The following GRID2 variants were observed in gnomAD, a reference collection of about 807,000 sequenced individuals.
GRID2 encodes glutamate ionotropic receptor delta type subunit 2.
GRID2 carries 33 observed loss-of-function variants against 114.8 expected under a neutral mutation model. The ratio of observed to expected loss-of-function variants is 0.29; its 90% CI spans 0.22 to 0.38. The LOEUF (loss-of-function observed/expected upper bound fraction) is 0.38, where lower values mean the gene tolerates loss of function less well. Among genes scored for constraint, GRID2 ranks in the 10% least tolerant of loss-of-function variants. GRID2 has a pLI of 1.00. For synonymous variants in GRID2, 505 were observed against 449.9 expected, an observed-to-expected ratio of 1.12 and a Z score of -1.55; for missense variants, 1,184 against 1,257.7, an observed-to-expected ratio of 0.94 and a Z score of 0.89.
At chr4:92,616,784 T>C (rs1226075157) in intron 2 of GRID2, among the ~76,000 whole-genome samples, 1 of 151,580 alleles carries the variant, frequency 6.6e-6, no homozygotes, top group African/African-American at 2.4e-5. Context: ...TATTATAGCA[T>C]ATTAGGTTTG....
intron 2 of GRID2, among the ~76,000 whole-genome samples, chr4:92,644,466 A>C (rs1311843564): frequency 6.6e-6 from 1 of 151,708 alleles, no homozygotes; most frequent in African/African-American, 2.4e-5. Context: ...TGTAGCTCTC[A>C]TTTTTATTCA....
chr4:92,822,095 G>A, intron 2 of GRID2: 1 of 318,876 alleles, frequency 3.1e-6, no homozygotes, highest in Non-Finnish European at 6.2e-6. Context: ...CTGCCTTGCT[G>A]CAGATTCCGA....
intron 9 of GRID2, among the ~76,000 whole-genome samples, chr4:93,414,929 A>G (rs76908582): frequency 0.049 from 7,483 of 151,994 alleles, 218 homozygotes; most frequent in Middle Eastern, 0.19. Context: ...TTCAAGTTTT[A>G]TATGGTTTTT....
At chr4:92,657,463 T>C (rs1732300191) in intron 2 of GRID2, among the ~76,000 whole-genome samples, 1 of 151,718 alleles carries the variant, frequency 6.6e-6, no homozygotes, top group African/African-American at 2.4e-5. Flanking sequence ...TTCAAGCAGA[T>C]AGCGTCCTAG....
chr4:92,648,933 CTTTA>C (rs1731777411), intron 2 of GRID2, among the ~76,000 whole-genome samples: 1 of 141,408 alleles, frequency 7.1e-6, no homozygotes, highest in Admixed American at 7.1e-5. Context: ...TTCATTATTT[CTTTA>C]GAGACAATTA....
intron 14 of GRID2, among the ~76,000 whole-genome samples, chr4:93,729,361 A>G (rs1285271245): frequency 6.6e-6 from 1 of 152,188 alleles, no homozygotes; most frequent in African/African-American, 2.4e-5. Flanking sequence ...AATTCAGATT[A>G]CAGTTTAGAA....
chr4:92,806,942 A>T (rs1740445158), intron 2 of GRID2, among the ~76,000 whole-genome samples: 1 of 151,990 alleles, frequency 6.6e-6, no homozygotes, highest in Admixed American at 6.6e-5. Context: ...CAGCTATGAC[A>T]TATGTTGTGG....
chr4:93,626,424 T>G lies in GRID2; in HGVS notation c.2349T>G (p.Val783=). The G allele has an allele frequency of 6.2e-7, 1 of 1,604,016 alleles. No individual in the cohort carries two copies. The highest frequency in any genetic ancestry group is 8.5e-7 in the Non-Finnish European group (1 of 1,174,736). Residue 783 remains valine (V), a synonymous_variant, in exon 14 of 16, where the codon GTT becomes GTG. Coordinates refer to ENST00000282020, the MANE Select transcript of GRID2 (RefSeq NM_001510.4). ...AACATGGCAGTCCTTACCGAGATGT[T>G]TTTTCACAAAGGTAAGATTTGTGTA... ...ALQHGSPYRD[V]FSQRILELQQ...
intron 13 of GRID2, among the ~76,000 whole-genome samples, chr4:93,622,082 C>T (rs12503522): frequency 0.27 from 40,547 of 152,038 alleles, 5,791 homozygotes; most frequent in East Asian, 0.59. Flanking sequence ...AAGATAATCA[C>T]AAAAATCAAA....
At chr4:93,204,904 C>T (rs995441511) in intron 4 of GRID2, among the ~76,000 whole-genome samples, 1 of 152,148 alleles carries the variant, frequency 6.6e-6, no homozygotes, top group Non-Finnish European at 1.5e-5. Context: ...CACTGTACTA[C>T]TATTGCTTCA....
intron 11 of GRID2, among the ~76,000 whole-genome samples, chr4:93,464,494 A>G (rs371351039): frequency 1.0e-4 from 5 of 48,482 alleles, no homozygotes; most frequent in Non-Finnish European, 1.6e-4. Flanking sequence ...CTTCAACTTT[A>G]AAAAAATTGT....
intron 14 of GRID2, among the ~76,000 whole-genome samples, chr4:93,660,036 G>C (rs1195814206): frequency 6.6e-6 from 1 of 151,394 alleles, no homozygotes; most frequent in Non-Finnish European, 1.5e-5. Context: ...TTCTGATGCA[G>C]GGTTGGAGGC....
At chr4:92,368,652 G>A (rs1048826298) in intron 1 of GRID2, among the ~76,000 whole-genome samples, 1 of 152,046 alleles carries the variant, frequency 6.6e-6, no homozygotes, top group Non-Finnish European at 1.5e-5. Context: ...AGGGCATTAT[G>A]TGAGAGATTA....
Position 93,333,060 on chromosome 4 carries a change from T to A in GRID2, c.1246-62547T>A, listed in dbSNP as rs531081674. Among the ~76,000 whole-genome samples the A allele has an allele frequency of 2.6e-5, 4 of 152,294 alleles. No homozygotes were observed. In the East Asian group the frequency reaches 7.7e-4, roughly 29 times the overall value. ...ATAATAATGATAATGATCTGTTGAC[T>A]GTTAGCTTCTGGGTGCTCTAAGCCT... On this transcript the variant is annotated intron_variant, in intron 8 of 15. Coordinates refer to ENST00000282020, the MANE Select transcript of GRID2 (RefSeq NM_001510.4).
chr4:93,081,329 T>C (rs1729850381), intron 2 of GRID2, among the ~76,000 whole-genome samples: 1 of 152,240 alleles, frequency 6.6e-6, no homozygotes, highest in African/African-American at 2.4e-5. Context: ...TCTTTATGCA[T>C]TTTATTTTTA....
At chr4:93,438,749 G>A (rs1721339712) in intron 10 of GRID2, among the ~76,000 whole-genome samples, 1 of 151,942 alleles carries the variant, frequency 6.6e-6, no homozygotes, top group African/African-American at 2.4e-5. Flanking sequence ...TGTTACATAT[G>A]TATACATGTG....
At chr4:93,714,905 C>A (rs549683584) in intron 14 of GRID2, among the ~76,000 whole-genome samples, 8 of 152,108 alleles carry the variant, frequency 5.3e-5, no homozygotes, top group Non-Finnish European at 1.0e-4. Flanking sequence ...AGGATAATTT[C>A]TTTTGCTGTG....
intron 4 of GRID2, chr4:93,165,933 T>C (rs1435490074): frequency 6.6e-6 from 1 of 152,154 alleles, no homozygotes; most frequent in Non-Finnish European, 1.5e-5. Context: ...TGAATATCTA[T>C]ATTGTTACAA....
chr4:93,238,612 GGGGGTGA>G, intron 8 of GRID2, 122 bp downstream of exon 8: 1 of 653,238 alleles, frequency 1.5e-6, no homozygotes, highest in South Asian at 2.4e-5. Flanking sequence ...AGAGAAAGCA[GGGGGTGA>G]GGGGAAATTA....
Sources: allele counts gnomAD v4.1 joint callset (sites outside exome capture counted in the v4.1 genomes callset), GRCh38; gene constraint gnomAD v4.1.1; transcripts MANE v1.5; gene names NCBI Gene and HGNC (gene_info 2026-07-23, HGNC 2026-07-21).